Variants in ESR1 observed in about 807,000 individuals in gnomAD.
ESR1 encodes the protein estrogen receptor 1, also known as estrogen receptor.
In ESR1, 12 loss-of-function variants were observed where a neutral mutation model predicts 52.7. The ratio of observed to expected loss-of-function variants is 0.23; its 90% CI spans 0.15 to 0.37. ESR1 has a LOEUF of 0.37. ESR1 is among the 10% of genes least tolerant of loss of function. The probability of loss-of-function intolerance (pLI) is 1.00; values close to 1 mark genes in which losing one functional copy is unlikely to be tolerated. For missense variants in ESR1, 584 were observed against 779.7 expected (o/e 0.75, Z 2.99); for synonymous variants, 305 against 316.8 (o/e 0.96, Z 0.39).
intron 1 of ESR1, among the ~76,000 whole-genome samples, chr6:151,671,538 G>A (rs1778058937): frequency 6.6e-6 from 1 of 152,100 alleles, no homozygotes; most frequent in South Asian, 2.1e-4. Context: ...AATGGAATGC[G>A]GCAGAAAGGG....
chr6:151,968,983 G>C (rs2038605383), intron 4 of ESR1, among the ~76,000 whole-genome samples: 1 of 152,094 alleles, frequency 6.6e-6, no homozygotes. Flanking sequence ...TCCTCACTCA[G>C]ATCACCCACA....
chr6:151,679,663 C>T (rs768280590), intron 1 of ESR1, among the ~76,000 whole-genome samples: 9 of 152,184 alleles, frequency 5.9e-5, no homozygotes, highest in Non-Finnish European at 1.2e-4. Flanking sequence ...TTTTGGCTGG[C>T]CCATGAGGCC....
chr6:151,971,469 T>A (rs1007541642), intron 4 of ESR1, among the ~76,000 whole-genome samples: 7 of 149,334 alleles, frequency 4.7e-5, no homozygotes, highest in Admixed American at 3.3e-4. Flanking sequence ...CCGAGTTACT[T>A]CACTTTGAAT....
chr6:151,746,001 G>C (rs371652591), intron 2 of ESR1, among the ~76,000 whole-genome samples: 1 of 152,072 alleles, frequency 6.6e-6, no homozygotes, highest in Non-Finnish European at 1.5e-5. Flanking sequence ...TTAGCACAAG[G>C]TCCTCAAGGT....
rs1280573028 is a variant in ESR1, at chr6:152,099,666, T to C, written c.*700T>C. The C allele has an allele frequency of 3.8e-6, 1 of 260,696 alleles. No individual in the cohort carries two copies. Among genetic ancestry groups the C allele is most frequent in the Non-Finnish European group, 7.3e-6 (1 of 137,472 alleles). 16.1% of individuals were successfully genotyped at this position (260,696 alleles called of 1,614,324 possible). ...GAAAGCTCTGCCTCTGGCTTTCCGG[T>C]CATGGGTTCCAGTTAATTCATGCCT... On this transcript the variant is annotated 3_prime_UTR_variant, in exon 8 of 8. Coordinates refer to ENST00000206249, the MANE Select transcript of ESR1 (RefSeq NM_000125.4).
At chr6:152,036,134 G>A (rs368638370) in intron 5 of ESR1, among the ~76,000 whole-genome samples, 771 of 52,732 alleles carry the variant, frequency 0.015, 5 homozygotes, top group African/African-American at 0.13. Flanking sequence ...GGCCAAGGCA[G>A]GCAGATCACG....
chr6:151,782,492 T>C (rs1786642281), intron 2 of ESR1, among the ~76,000 whole-genome samples: 1 of 152,224 alleles, frequency 6.6e-6, no homozygotes, highest in South Asian at 2.1e-4. Context: ...AAATGATGCT[T>C]CAATGGATAT....
chr6:152,081,795 C>A (rs2049243706), intron 6 of ESR1, among the ~76,000 whole-genome samples: 1 of 152,048 alleles, frequency 6.6e-6, no homozygotes, highest in Admixed American at 6.6e-5. Context: ...AAAGGGATAT[C>A]ACCACCGATC....
At chr6:151,786,121 C>A (rs1583279646) in intron 2 of ESR1, among the ~76,000 whole-genome samples, 2 of 152,184 alleles carry the variant, frequency 1.3e-5, no homozygotes, top group African/African-American at 4.8e-5. Flanking sequence ...GGCTTGTCTG[C>A]ACAGGGTGCT....
At chr6:152,107,209 T>C (rs1035377281), downstream of ESR1, among the ~76,000 whole-genome samples, 1 of 152,194 alleles carries the variant, frequency 6.6e-6, no homozygotes, top group African/African-American at 2.4e-5. Context: ...CTCCCCTCCC[T>C]TGCTGAGACT....
intron 2 of ESR1, among the ~76,000 whole-genome samples, chr6:151,718,506 T>C (rs1420386456): frequency 1.3e-5 from 2 of 152,286 alleles, no homozygotes; most frequent in South Asian, 2.1e-4. Context: ...ATTACTAAAA[T>C]ATCGTATTAG....
In ESR1 at chr6:151,942,719, C is replaced by T. The variant is rs1395648912; in HGVS notation, c.761-1454C>T. Among the ~76,000 whole-genome samples, 5 of 151,760 alleles carry T rather than the reference C, an allele frequency of 3.3e-5. No individual in the cohort carries two copies. In the East Asian group the frequency reaches 9.6e-4, roughly 29 times the overall value. ...TTAAAACAAAATAAGACAAAATTCT[C>T]ACGCTAGTTATTTGTTATAAAGTAA... On this transcript the variant is annotated intron_variant, in intron 3 of 7. Transcript: ENST00000206249.
At chr6:151,981,625 AAAT>A (rs1290344384) in intron 4 of ESR1, among the ~76,000 whole-genome samples, 1 of 152,220 alleles carries the variant, frequency 6.6e-6, no homozygotes, top group Non-Finnish European at 1.5e-5. Context: ...TGGATTTGAG[AAAT>A]ACGTGTAGGA....
chr6:152,020,120 G>A (rs1237746291), intron 5 of ESR1, among the ~76,000 whole-genome samples: 1 of 152,102 alleles, frequency 6.6e-6, no homozygotes, highest in Admixed American at 6.6e-5. Flanking sequence ...CTTTCTAAAC[G>A]CTATGGATTC....
intron 4 of ESR1, among the ~76,000 whole-genome samples, chr6:151,993,926 C>T (rs1406571563): frequency 3.3e-5 from 5 of 152,202 alleles, no homozygotes; most frequent in Middle Eastern, 3.4e-3. Flanking sequence ...GGATATCTCT[C>T]TCTATTTTTT....
intron 2 of ESR1, among the ~76,000 whole-genome samples, chr6:151,712,196 G>A (rs1161493704): frequency 6.6e-6 from 1 of 152,056 alleles, no homozygotes; most frequent in Non-Finnish European, 1.5e-5. Flanking sequence ...CTGTTCCACT[G>A]GTTTATATAT....
intron 1 of ESR1, among the ~76,000 whole-genome samples, chr6:151,657,274 C>A (rs1777487466): frequency 6.6e-6 from 1 of 151,994 alleles, no homozygotes; most frequent in East Asian, 1.9e-4. Context: ...CCCACTGCAC[C>A]AATGAAAAAG....
At chr6:151,881,292 A>T (rs1792868933) in intron 3 of ESR1, among the ~76,000 whole-genome samples, 1 of 152,070 alleles carries the variant, frequency 6.6e-6, no homozygotes, top group South Asian at 2.1e-4. Flanking sequence ...CACTTTCTTA[A>T]CCTCAGTGTC....
chr6:152,003,547 C>A (rs149856614), intron 4 of ESR1, among the ~76,000 whole-genome samples: 40 of 151,926 alleles, frequency 2.6e-4, no homozygotes, highest in African/African-American at 9.2e-4. Flanking sequence ...AACATTTTAA[C>A]ACCTGTGCTT....
Sources: allele counts gnomAD v4.1 joint callset (sites outside exome capture counted in the v4.1 genomes callset), GRCh38; gene constraint gnomAD v4.1.1; transcripts MANE v1.5; gene names NCBI Gene and HGNC (gene_info 2026-07-23, HGNC 2026-07-21).